The following RAD51B variants were observed in gnomAD, a reference collection of about 807,000 sequenced individuals.
RAD51B encodes the protein DNA repair protein RAD51 homolog 2.
A neutral mutation model predicts 42.2 loss-of-function variants in RAD51B; 38 were observed. That is an observed-to-expected ratio of 0.90 (90% CI 0.70 to 1.18). RAD51B has a LOEUF of 1.18. RAD51B is among the 50% of genes most tolerant of loss of function. The pLI is 0.00. For missense variants in RAD51B, 373 were observed against 400.7 expected, an observed-to-expected ratio of 0.93 and a Z score of 0.59; for synonymous variants, 154 against 145.2, an observed-to-expected ratio of 1.06 and a Z score of -0.43.
chr14:68,262,445 G>A (rs1209312933), intron 7 of RAD51B, among the ~76,000 whole-genome samples: 1 of 152,146 alleles, frequency 6.6e-6, no homozygotes, highest in Non-Finnish European at 1.5e-5. Context: ...TGCAGAAAAT[G>A]TTCTGATTTG....
At chr14:68,062,736 G>T (rs535259185) in intron 7 of RAD51B, among the ~76,000 whole-genome samples, 13 of 151,376 alleles carry the variant, frequency 8.6e-5, no homozygotes, top group East Asian at 7.8e-4. Flanking sequence ...TTGAACCTAG[G>T]GGGCAGAGGT....
At chr14:68,008,366 TATG>T (rs1341606061) in intron 7 of RAD51B, among the ~76,000 whole-genome samples, 1 of 152,030 alleles carries the variant, frequency 6.6e-6, no homozygotes, top group East Asian at 1.9e-4. Flanking sequence ...GTGTAAAATG[TATG>T]ATAACAATTC....
chr14:68,399,599 C>G (rs2084034624), intron 8 of RAD51B, among the ~76,000 whole-genome samples: 1 of 152,120 alleles, frequency 6.6e-6, no homozygotes. Context: ...ATTTTTATCT[C>G]TTGTATATTA....
intron 7 of RAD51B, chr14:68,113,785 G>A (rs2077496483): frequency 6.6e-6 from 1 of 152,086 alleles, no homozygotes; most frequent in Non-Finnish European, 1.5e-5. Flanking sequence ...TTTATCTTAA[G>A]TATGAGCATG....
chr14:68,577,493 T>C (rs1890013974), intron 10 of RAD51B, among the ~76,000 whole-genome samples: 1 of 149,684 alleles, frequency 6.7e-6, no homozygotes, highest in South Asian at 2.2e-4. Flanking sequence ...TCATTATTCA[T>C]CTGATTTTAT....
At chr14:68,322,044 G>A (rs992942324) in intron 8 of RAD51B, among the ~76,000 whole-genome samples, 1 of 152,126 alleles carries the variant, frequency 6.6e-6, no homozygotes, top group East Asian at 1.9e-4. Flanking sequence ...AAAGTGCTGG[G>A]ATTACAGCCA....
Position 68,291,915 on chromosome 14 carries a change from T to A in RAD51B, c.788T>A (p.Leu263Gln). 1 of 1,613,886 alleles carries A rather than the reference T, an allele frequency of 6.2e-7. No individual in the cohort carries two copies. Among genetic ancestry groups the A allele is most frequent in the Non-Finnish European group, 8.5e-7 (1 of 1,179,818 alleles). ...VILTNQITTHLSGALASQADL... is the reference protein window; with the variant it reads ...VILTNQITTHQSGALASQADL... Reference sequence around the variant, plus strand: ...TTGACGAATCAGATTACAACCCATCTGAGTGGAGCCCTGGCTTCTCAGGCA... The same window carrying A: ...TTGACGAATCAGATTACAACCCATCAGAGTGGAGCCCTGGCTTCTCAGGCA... Residue 263 changes from leucine to glutamine, a missense_variant, in exon 8 of 11, where the codon CTG (leucine) becomes CAG (glutamine). Transcript: ENST00000471583.
intron 7 of RAD51B, among the ~76,000 whole-genome samples, chr14:67,921,203 C>T (rs1168373150): frequency 3.3e-5 from 5 of 152,060 alleles, no homozygotes; most frequent in Non-Finnish European, 7.4e-5. Context: ...GCTAGGAATC[C>T]GTATTTTGTT....
At chr14:67,938,243 A>G (rs1263448341) in intron 7 of RAD51B, among the ~76,000 whole-genome samples, 2 of 152,192 alleles carry the variant, frequency 1.3e-5, no homozygotes, top group African/African-American at 2.4e-5. Context: ...AAGATTCTTT[A>G]TGTTGATGTC....
chr14:68,453,449 G>A (rs553854646), intron 9 of RAD51B, among the ~76,000 whole-genome samples: 2 of 152,154 alleles, frequency 1.3e-5, no homozygotes, highest in Non-Finnish European at 2.9e-5. Flanking sequence ...GAAGACAGAA[G>A]AGACAAAAAC....
In RAD51B at chr14:68,661,459, C is replaced by T. The variant is rs1007657591; in HGVS notation, c.*11+10603C>T. 1.2e-4 allele frequency among the ~76,000 whole-genome samples: 18 copies of T among 152,036 alleles called. No individual in the cohort carries two copies. In the East Asian group the frequency reaches 2.3e-3, roughly 20 times the overall value. ...TGAGATCTTACAGCCAGAAGTGGCC[C>T]GGGGGAAATTCAATCCCAGATCTGC... On this transcript the variant is annotated intron_variant, in intron 11 of 11. Coordinates refer to the RAD51B transcript ENST00000488612.
intron 8 of RAD51B, among the ~76,000 whole-genome samples, chr14:68,324,269 A>G (rs2082208828): frequency 6.6e-6 from 1 of 152,226 alleles, no homozygotes; most frequent in Admixed American, 6.5e-5. Context: ...CAAACCATCT[A>G]TACCCAACCC....
chr14:68,017,566 T>A (rs1445315165), intron 7 of RAD51B, among the ~76,000 whole-genome samples: 2 of 152,192 alleles, frequency 1.3e-5, no homozygotes, highest in East Asian at 1.9e-4. Context: ...TTGAATTTGT[T>A]TTTTAGAGAT....
chr14:67,832,321 G>C (rs886729510), intron 3 of RAD51B, among the ~76,000 whole-genome samples: 2 of 152,104 alleles, frequency 1.3e-5, no homozygotes, highest in Admixed American at 6.5e-5. Flanking sequence ...TAAATGGTTA[G>C]TGAAAAAAGC....
chr14:68,262,631 C>G (rs1380057436), intron 7 of RAD51B, among the ~76,000 whole-genome samples: 1 of 152,152 alleles, frequency 6.6e-6, no homozygotes, highest in Non-Finnish European at 1.5e-5. Flanking sequence ...CTCTACAACT[C>G]TTGGTAGTGA....
intron 7 of RAD51B, among the ~76,000 whole-genome samples, chr14:67,989,901 G>A (rs2075264949): frequency 6.6e-6 from 1 of 151,412 alleles, no homozygotes; most frequent in East Asian, 1.9e-4. Flanking sequence ...GAGTCCTTAA[G>A]AGTTTGAACC....
At chr14:68,570,873 C>CCACATA (rs1555427593) in intron 10 of RAD51B, among the ~76,000 whole-genome samples, 1 of 150,242 alleles carries the variant, frequency 6.7e-6, no homozygotes, top group Admixed American at 6.6e-5. Context: ...GGCTGGAGCG[C>CCACATA]CACACACACA....
intron 8 of RAD51B, among the ~76,000 whole-genome samples, chr14:68,320,914 A>G (rs947289031): frequency 6.6e-6 from 1 of 152,142 alleles, no homozygotes; most frequent in African/African-American, 2.4e-5. Context: ...TCACACTAGA[A>G]CACTGGCTCT....
chr14:68,089,599 A>G (rs1388127945), intron 7 of RAD51B, among the ~76,000 whole-genome samples: 2 of 152,154 alleles, frequency 1.3e-5, no homozygotes, highest in African/African-American at 2.4e-5. Context: ...AAAGCCATAC[A>G]TCCCAATCTG....
Sources: allele counts gnomAD v4.1 joint callset (sites outside exome capture counted in the v4.1 genomes callset), GRCh38; gene constraint gnomAD v4.1.1; transcripts MANE v1.5; gene names NCBI Gene and HGNC (gene_info 2026-07-23, HGNC 2026-07-21).